TXLNA: variants seen among roughly 807,000 people sequenced by gnomAD.
The protein encoded by TXLNA is taxilin alpha, also known as alpha-taxilin.
In TXLNA, 9 loss-of-function variants were observed where a neutral mutation model predicts 61.4. The ratio of observed to expected loss-of-function variants is 0.15; its 90% CI spans 0.09 to 0.26. The LOEUF is 0.26. TXLNA is among the 10% of genes least tolerant of loss of function. The pLI, the probability that TXLNA is intolerant of heterozygous loss-of-function variation, is 1.00. For missense variants in TXLNA, 565 were observed against 688.8 expected (o/e 0.82, Z 2.01); for synonymous variants, 257 against 267.7 (o/e 0.96, Z 0.39).
At chr1:32,193,067 A>G (rs2124161991) in intron 8 of TXLNA, 141 bp from the exon 9 acceptor site, 1 of 654,436 alleles carries the variant, frequency 1.5e-6, no homozygotes, top group East Asian at 2.7e-5. Flanking sequence ...CCTTCCAAAT[A>G]TATAGCTTTG....
chr1:32,188,843 A>G (rs1010653875), intron 5 of TXLNA, among the ~76,000 whole-genome samples: 1 of 152,210 alleles, frequency 6.6e-6, no homozygotes, highest in Admixed American at 6.5e-5. Context: ...TGGCTCTGAC[A>G]AGCAGCTCTT....
chr1:32,187,072 T>A (rs1642802418), intron 4 of TXLNA, among the ~76,000 whole-genome samples: 1 of 151,836 alleles, frequency 6.6e-6, no homozygotes, highest in Non-Finnish European at 1.5e-5. Context: ...TACTTTTTTG[T>A]ATTTTTTTTT....
chr1:32,195,220 G>A lies in TXLNA; in HGVS notation c.*25G>A. 1 of 1,541,896 alleles carries A rather than the reference G, an allele frequency of 6.5e-7. No individual in the cohort carries two copies. Among genetic ancestry groups the A allele is most frequent in the Non-Finnish European group, 8.7e-7 (1 of 1,148,010 alleles). On this transcript the variant is annotated 3_prime_UTR_variant, in exon 11 of 11. Coordinates refer to ENST00000373610, the MANE Select transcript of TXLNA (RefSeq NM_175852.4). ...GAGAGCCTGGTGTTGGGTCATGCTGGGAAGGGAGCGGCAGCCCAGCCAGGC... is the reference window on the plus strand; with the variant it reads ...GAGAGCCTGGTGTTGGGTCATGCTGAGAAGGGAGCGGCAGCCCAGCCAGGC...
At position 32,190,173 on chromosome 1, in the gene TXLNA, C is replaced by G. The variant is rs771416938; in HGVS notation, c.887C>G (p.Ser296Cys). 3.1e-6 allele frequency: 5 copies of G among 1,601,950 alleles called. No individual in the cohort carries two copies. In the South Asian group the frequency reaches 4.5e-5, roughly 14 times the overall value. The change falls in exon 6 of 11, where the codon TCC becomes TGC. Residue 296 changes from serine (S) to cysteine (C), a missense_variant. By Grantham distance (112) the Ser-to-Cys change is moderately radical. This residue lies in a region of TXLNA where 373 missense variants were observed against 504.0 expected (regional missense o/e 0.74). Transcript: ENST00000373610. ...ATGGAACAGCACAATGAGCGCAACT[C>G]CAAGCTGCGCCAAGAGAACATGGAG... ...LQMEQHNERNSKLRQENMELA... is the reference protein window; with the variant it reads ...LQMEQHNERNCKLRQENMELA...
intron 6 of TXLNA, among the ~76,000 whole-genome samples, chr1:32,191,696 G>A (rs1371134817): frequency 6.6e-6 from 1 of 152,156 alleles, no homozygotes; most frequent in African/African-American, 2.4e-5. Context: ...TTACCTGCTA[G>A]GCACCTTCCC....
intron 5 of TXLNA, among the ~76,000 whole-genome samples, chr1:32,189,731 C>G (rs991597973): frequency 2.0e-5 from 3 of 152,012 alleles, no homozygotes; most frequent in African/African-American, 7.2e-5. Context: ...TTAGTAGAAA[C>G]GGGGTTTCAC....
intron 1 of TXLNA, 168 bp from the exon 2 acceptor site, chr1:32,180,146 C>G: frequency 1.7e-6 from 1 of 595,224 alleles, no homozygotes; most frequent in Non-Finnish European, 2.8e-6. Flanking sequence ...TGCCCCGGCA[C>G]GTCGGGCTCT....
At chr1:32,193,183 T>C (rs766676863) in intron 8 of TXLNA, 25 bp from the exon 9 acceptor site, 34 of 1,562,882 alleles carry the variant, frequency 2.2e-5, no homozygotes, top group South Asian at 4.4e-5. Flanking sequence ...CCCAGTCTTA[T>C]CTGTGGGCTG....
intron 5 of TXLNA, among the ~76,000 whole-genome samples, chr1:32,189,541 CTTT>C (rs760315096): frequency 2.8e-5 from 4 of 143,944 alleles, no homozygotes; most frequent in African/African-American, 5.1e-5. Flanking sequence ...TTTTTTCTTC[CTTT>C]TTTTTTTTTT....
At chr1:32,184,087 G>A (rs995867525) in intron 3 of TXLNA, among the ~76,000 whole-genome samples, 2 of 152,224 alleles carry the variant, frequency 1.3e-5, no homozygotes, top group Admixed American at 6.5e-5. Context: ...GTTGACAAGA[G>A]TTTAGTATTT....
rs1263113610 is a variant in TXLNA at position 32,194,992 on chromosome 1, G to A, written c.1438G>A (p.Asp480Asn). 2.5e-6 allele frequency: 4 copies of A among 1,614,230 alleles called. No homozygotes were observed. Among genetic ancestry groups the A allele is most frequent in the Non-Finnish European group, 3.4e-6 (4 of 1,180,030 alleles). ...LCRALQTERN[D>N]LNKRVQDLSA... ...CCGGGCACTGCAGACAGAGCGCAATGACCTGAACAAGAGGGTACAGGACCT... is the reference window on the plus strand; with the variant it reads ...CCGGGCACTGCAGACAGAGCGCAATAACCTGAACAAGAGGGTACAGGACCT... The change falls in exon 11 of 11, where the codon GAC (aspartate) becomes AAC (asparagine). Residue 480 changes from aspartate to asparagine, a missense_variant. Asp to Asn is a conservative substitution (Grantham distance 23). Coordinates refer to ENST00000373610, the MANE Select transcript of TXLNA (RefSeq NM_175852.4).
At chr1:32,186,358 G>C (rs1642789892) in intron 4 of TXLNA, among the ~76,000 whole-genome samples, 1 of 152,182 alleles carries the variant, frequency 6.6e-6, no homozygotes, top group Non-Finnish European at 1.5e-5. Context: ...TGATTCTCTA[G>C]TTTCTTCTGT....
chr1:32,182,298 G>T (rs1313133537), intron 3 of TXLNA, among the ~76,000 whole-genome samples: 2 of 152,004 alleles, frequency 1.3e-5, no homozygotes. Flanking sequence ...GCAGAGGGAA[G>T]GCTCCCTGAC....
chr1:32,184,487 G>A lies in TXLNA; in HGVS notation c.506-38G>A, dbSNP rs538320209. Reference sequence around the variant, plus strand: ...AGCCCAGGCCTGGAGGGGACACCTGGAGAAGAGGGTGCATGTCTTTGCTCC... The same window carrying A: ...AGCCCAGGCCTGGAGGGGACACCTGAAGAAGAGGGTGCATGTCTTTGCTCC... On this transcript the variant is annotated intron_variant, in intron 3 of 10. Transcript: ENST00000373610. 3.1e-5 allele frequency: 43 copies of A among 1,407,440 alleles called. No homozygotes were observed. In the South Asian group the frequency reaches 4.9e-4, roughly 16 times the overall value. The allele number at this position is 1,407,440 out of a possible 1,614,324, so 87.2% of individuals were successfully genotyped here.
intron 6 of TXLNA, among the ~76,000 whole-genome samples, chr1:32,191,348 A>G (rs1354286174): frequency 1.3e-5 from 2 of 152,146 alleles, no homozygotes; most frequent in East Asian, 3.9e-4. Flanking sequence ...TTCATAGGCC[A>G]AAGTGATGAT....
chr1:32,182,480 G>C (rs567913744), intron 3 of TXLNA, among the ~76,000 whole-genome samples: 1 of 152,068 alleles, frequency 6.6e-6, no homozygotes, highest in African/African-American at 2.4e-5. Context: ...TGGCCAACAT[G>C]ATGAAATCCC....
At position 32,181,583 on chromosome 1, in the gene TXLNA, C is replaced by G; in HGVS notation, c.505+6C>G. On this transcript the variant is annotated splice_donor_region_variant and intron_variant, in intron 3 of 10. Transcript: ENST00000373610. ...GAAAAAAGCCAAGGGTTTGGGTGAG[C>G]AGAGGGCGGCTCTTTGTGAAGCTGG... 1 of 1,522,570 alleles carries G rather than the reference C, an allele frequency of 6.6e-7. No individual in the cohort carries two copies. The highest frequency in any genetic ancestry group is 8.8e-7 in the Non-Finnish European group (1 of 1,132,138). The allele number at this position is 1,522,570 out of a possible 1,614,324, so 94.3% of individuals were successfully genotyped here.
At position 32,180,296 on chromosome 1, in the gene TXLNA, CTG is replaced by C. The variant is rs781263827; in HGVS notation, c.-32-14_-32-13del. On this transcript the variant is annotated splice_polypyrimidine_tract_variant and intron_variant, in intron 1 of 10. Coordinates refer to ENST00000373610, the MANE Select transcript of TXLNA (RefSeq NM_175852.4). The stretch of plus-strand genomic sequence containing the variant: ...AATTTCGAAGTCTGGAAAATAGCAA[CTG>C]TGTTTGTTTCTAAAGGATCTTCTCC... 2 of 1,543,394 alleles carry C rather than the reference CTG, an allele frequency of 1.3e-6. No individual in the cohort carries two copies. The highest frequency in any genetic ancestry group is 2.2e-5 in the Admixed American group (1 of 46,360).
At chr1:32,183,883 C>T (rs1323378188) in intron 3 of TXLNA, among the ~76,000 whole-genome samples, 2 of 151,896 alleles carry the variant, frequency 1.3e-5, no homozygotes, top group African/African-American at 4.8e-5. Flanking sequence ...ACTACAGGCG[C>T]GTGCCACCAC....
Sources: allele counts gnomAD v4.1 joint callset (sites outside exome capture counted in the v4.1 genomes callset), GRCh38; gene constraint gnomAD v4.1.1; regional missense constraint gnomAD v4.1.1; transcripts MANE v1.5; gene names NCBI Gene and HGNC (gene_info 2026-07-23, HGNC 2026-07-21).